The following MCTP1 variants were observed in gnomAD, a reference collection of about 807,000 sequenced individuals.
MCTP1 encodes the protein multiple C2 and transmembrane domain containing 1.
In MCTP1, 69 loss-of-function variants were observed where a neutral mutation model predicts 120.6. The observed-to-expected ratio is 0.57, with a 90% CI of 0.47 to 0.70. The LOEUF is 0.70. Among genes scored for constraint, MCTP1 ranks in the 30% least tolerant of loss-of-function variants. The pLI, the probability that MCTP1 is intolerant of heterozygous loss-of-function variation, is 0.00. For missense variants in MCTP1, 1,203 were observed against 1,248.8 expected (o/e 0.96, Z 0.55); for synonymous variants, 529 against 493.1 (o/e 1.07, Z -0.96).
chr5:95,118,243 A>T (rs1757962636), intron 1 of MCTP1, among the ~76,000 whole-genome samples: 1 of 152,202 alleles, frequency 6.6e-6, no homozygotes, highest in Non-Finnish European at 1.5e-5. Context: ...ATTTAAAAAT[A>T]AAGAGGTTAA....
At chr5:95,146,171 G>A (rs1264700809) in intron 1 of MCTP1, among the ~76,000 whole-genome samples, 2 of 152,020 alleles carry the variant, frequency 1.3e-5, no homozygotes, top group Admixed American at 6.6e-5. Context: ...CTAAATTTGT[G>A]TGCACAGAGG....
At chr5:94,985,054 G>A (rs1335951467) in intron 2 of MCTP1, among the ~76,000 whole-genome samples, 1 of 152,084 alleles carries the variant, frequency 6.6e-6, no homozygotes, top group Admixed American at 6.6e-5. Flanking sequence ...TATCTCAGTG[G>A]TAGCATTATT....
chr5:94,897,138 C>A (rs1382566594), intron 10 of MCTP1, among the ~76,000 whole-genome samples: 1 of 151,970 alleles, frequency 6.6e-6, no homozygotes, highest in Non-Finnish European at 1.5e-5. Context: ...TCATGGCTCA[C>A]TGCAGCATTG....
chr5:95,104,014 T>A (rs1013901712), intron 1 of MCTP1, among the ~76,000 whole-genome samples: 2 of 152,122 alleles, frequency 1.3e-5, no homozygotes, highest in African/African-American at 4.8e-5. Context: ...CCCACAACTC[T>A]CCATCATATC....
intron 1 of MCTP1, among the ~76,000 whole-genome samples, chr5:95,122,114 A>G (rs1329596274): frequency 6.6e-6 from 1 of 152,156 alleles, no homozygotes; most frequent in Non-Finnish European, 1.5e-5. Flanking sequence ...AATACCCCAC[A>G]AGCTCAGGCA....
At chr5:95,020,172 G>T (rs772790590) in intron 1 of MCTP1, among the ~76,000 whole-genome samples, 2 of 151,944 alleles carry the variant, frequency 1.3e-5, no homozygotes, top group Admixed American at 6.6e-5. Flanking sequence ...AAATTTGAAG[G>T]CTCAGACAGC....
At chr5:95,027,854 T>C (rs964249) in intron 1 of MCTP1, among the ~76,000 whole-genome samples, 1 of 152,120 alleles carries the variant, frequency 6.6e-6, no homozygotes. Context: ...CCGAGCAAAA[T>C]AAGCCAAGGA....
intron 17 of MCTP1, among the ~76,000 whole-genome samples, chr5:94,841,485 T>C (rs1791042745): frequency 6.6e-6 from 1 of 152,194 alleles, no homozygotes; most frequent in Admixed American, 6.5e-5. Context: ...CAGAATAGAT[T>C]TGTTTATCAG....
intron 1 of MCTP1, among the ~76,000 whole-genome samples, chr5:95,210,877 C>A (rs1328996596): frequency 6.6e-6 from 1 of 152,012 alleles, no homozygotes; most frequent in Non-Finnish European, 1.5e-5. Context: ...CTAGTGGTGA[C>A]AAAATCTCTC....
intron 1 of MCTP1, among the ~76,000 whole-genome samples, chr5:95,159,047 T>C (rs922237356): frequency 6.6e-6 from 1 of 152,230 alleles, no homozygotes; most frequent in Admixed American, 6.5e-5. Flanking sequence ...CTATTTGATG[T>C]TGACTTTAGG....
intron 1 of MCTP1, among the ~76,000 whole-genome samples, chr5:95,202,682 G>T (rs1244984754): frequency 2.0e-5 from 3 of 151,848 alleles, no homozygotes; most frequent in Admixed American, 2.0e-4. Flanking sequence ...ACCTTGCTTG[G>T]CACTTACTGA....
chr5:95,172,497 A>T (rs1184854429), intron 1 of MCTP1, among the ~76,000 whole-genome samples: 1 of 152,182 alleles, frequency 6.6e-6, no homozygotes, highest in African/African-American at 2.4e-5. Flanking sequence ...CTGTGCTAAA[A>T]ATTCCACTGT....
At chr5:94,899,445 G>A (rs985187092) in intron 10 of MCTP1, among the ~76,000 whole-genome samples, 9 of 152,150 alleles carry the variant, frequency 5.9e-5, no homozygotes, top group African/African-American at 2.2e-4. Flanking sequence ...TGTCCCAAAT[G>A]AGCTAGGCAC....
In MCTP1 at chr5:94,912,887, T is replaced by C. The variant is rs1164538905; in HGVS notation, c.1440A>G (p.Arg480=). 6.2e-7 allele frequency: 1 copy of C among 1,601,242 alleles called. No individual in the cohort carries two copies. The highest frequency in any genetic ancestry group is 8.5e-7 in the Non-Finnish European group (1 of 1,174,560). The change falls in exon 9 of 23, where the codon AGA becomes AGG. Residue 480 remains arginine (R), a synonymous_variant. Coordinates refer to ENST00000515393, the MANE Select transcript of MCTP1 (RefSeq NM_024717.7). ...GIVSITLIEG[R]DLKAMDSNGL... Reference sequence around the variant, plus strand: ...CGTTGGAATCCATGGCCTTGAGGTCTCTCCCTTCAATCAAGGTGATGCTGA... The same window carrying C: ...CGTTGGAATCCATGGCCTTGAGGTCCCTCCCTTCAATCAAGGTGATGCTGA...
chr5:95,111,684 C>A (rs1396904051), intron 1 of MCTP1, among the ~76,000 whole-genome samples: 1 of 152,112 alleles, frequency 6.6e-6, no homozygotes, highest in Non-Finnish European at 1.5e-5. Flanking sequence ...CAATTATTAT[C>A]TTGGAGAAGG....
chr5:94,734,098 T>C (rs880264), intron 19 of MCTP1, among the ~76,000 whole-genome samples: 38,564 of 152,086 alleles, frequency 0.25, 5,068 homozygotes, highest in East Asian at 0.35. Context: ...ACATTGAAAT[T>C]ATCCCTTCAT....
rs374053937 is a variant in MCTP1, at chr5:94,774,076, C to T, written c.2610+5034G>A. 6.2e-3 allele frequency among the ~76,000 whole-genome samples: 528 copies of T among 85,730 alleles called. 123 individuals carry two copies. Among genetic ancestry groups the T allele is most frequent in the Non-Finnish European group, 7.7e-3 (346 of 44,680 alleles). 56.2% of individuals were successfully genotyped at this position (85,730 alleles called of 152,430 possible). ...ACAAAAAATTAGCCGGGCGTAGTGGCGGGCGCCTGTAGTCCCAGCTACTTG... is the reference window on the plus strand; with the variant it reads ...ACAAAAAATTAGCCGGGCGTAGTGGTGGGCGCCTGTAGTCCCAGCTACTTG... On this transcript the variant is annotated intron_variant, in intron 19 of 22. Transcript: ENST00000515393.
chr5:94,835,095 G>A lies in MCTP1; in HGVS notation c.2436+33238C>T, dbSNP rs1010410277. Among the ~76,000 whole-genome samples, 5 of 152,226 alleles carry A rather than the reference G, an allele frequency of 3.3e-5. No homozygotes were observed. The East Asian group carries it at 9.7e-4, about 29-fold the overall frequency. The stretch of plus-strand genomic sequence containing the variant: ...GCCTCCCAAAATGCTGGGATTACAC[G>A]CATGAGCCACCATGCCTGGCCCTAT... On this transcript the variant is annotated intron_variant, in intron 17 of 22. Transcript: ENST00000515393.
At chr5:94,948,470 G>T (rs1438493706) in intron 3 of MCTP1, among the ~76,000 whole-genome samples, 3 of 150,282 alleles carry the variant, frequency 2.0e-5, no homozygotes, top group African/African-American at 7.4e-5. Context: ...ATTTTTTTTG[G>T]GTCCAAAATA....
Sources: allele counts gnomAD v4.1 joint callset (sites outside exome capture counted in the v4.1 genomes callset), GRCh38; gene constraint gnomAD v4.1.1; transcripts MANE v1.5; gene names NCBI Gene and HGNC (gene_info 2026-07-23, HGNC 2026-07-21).